The following PPTC7 variants were observed in gnomAD, a reference collection of about 807,000 sequenced individuals.
PPTC7 encodes protein phosphatase PTC7 homolog.
In PPTC7, 6 loss-of-function variants were observed where a neutral mutation model predicts 30.8. That is an observed-to-expected ratio of 0.19 (90% CI 0.11 to 0.38). The LOEUF (loss-of-function observed/expected upper bound fraction) is 0.38, where lower values mean the gene tolerates loss of function less well. Ranked by LOEUF, PPTC7 falls within the 10% of genes least tolerant of loss-of-function variation. The pLI is 1.00. For missense variants in PPTC7, 218 were observed against 404.8 expected, an observed-to-expected ratio of 0.54 and a Z score of 3.96; for synonymous variants, 163 against 168.1, an observed-to-expected ratio of 0.97 and a Z score of 0.23.
At chr12:110,538,888 C>G (rs955891552) in intron 4 of PPTC7, among the ~76,000 whole-genome samples, 2 of 152,206 alleles carry the variant, frequency 1.3e-5, no homozygotes, top group Non-Finnish European at 2.9e-5. Flanking sequence ...GCAGTCCCTT[C>G]TACTCTCTAT....
intron 1 of PPTC7, 41 bp from the exon 2 acceptor site, chr12:110,552,009 C>A: frequency 6.5e-7 from 1 of 1,542,378 alleles, no homozygotes; most frequent in Admixed American, 1.8e-5. Flanking sequence ...AACAATCTTA[C>A]CAACTTCTCA....
At chr12:110,559,255 C>G (rs1465783714) in intron 1 of PPTC7, among the ~76,000 whole-genome samples, 2 of 151,924 alleles carry the variant, frequency 1.3e-5, no homozygotes, top group African/African-American at 4.8e-5. Flanking sequence ...GTCTCAAACT[C>G]CTGGGGTCAA....
rs919950610 is a variant in PPTC7, at chr12:110,536,144, T to C, written c.*893A>G. 6.6e-6 allele frequency: 1 copy of C among 152,214 alleles called. No homozygotes were observed. Among genetic ancestry groups the C allele is most frequent in the Non-Finnish European group, 1.5e-5 (1 of 68,042 alleles). The allele number at this position is 152,214 out of a possible 1,614,324, so 9.4% of individuals were successfully genotyped here. The stretch of plus-strand genomic sequence containing the variant: ...AGTTACAGCTGTCTGTTCTCAACCC[T>C]TCAGGCCTTGGGACCTAGAGTTCCC... On this transcript the variant is annotated 3_prime_UTR_variant, in exon 6 of 6. Coordinates refer to ENST00000354300, the MANE Select transcript of PPTC7 (RefSeq NM_139283.2).
intron 1 of PPTC7, among the ~76,000 whole-genome samples, chr12:110,562,449 T>C (rs1283562047): frequency 2.0e-5 from 3 of 152,040 alleles, no homozygotes; most frequent in African/African-American, 7.2e-5. Context: ...TAAAATTATA[T>C]AGATTATGCT....
intron 1 of PPTC7, among the ~76,000 whole-genome samples, chr12:110,559,390 A>G (rs973917379): frequency 1.3e-5 from 2 of 151,830 alleles, no homozygotes; most frequent in African/African-American, 4.8e-5. Context: ...TGCCATCATT[A>G]AGTGTTTATA....
intron 4 of PPTC7, 22 bp downstream of exon 4, chr12:110,539,800 A>G (rs1327590085): frequency 6.2e-7 from 1 of 1,612,520 alleles, no homozygotes; most frequent in Admixed American, 1.7e-5. Flanking sequence ...TTTTCCCAAG[A>G]GCTAACCTTT....
chr12:110,539,255 T>TA lies in PPTC7; in HGVS notation c.726+566dup, dbSNP rs764366770. Among the ~76,000 whole-genome samples the TA allele has an allele frequency of 4.6e-5, 7 of 151,594 alleles. No individual in the cohort carries two copies. In the South Asian group the frequency reaches 8.3e-4, roughly 18 times the overall value. ...AGATCTCAGCAACTTCAATAAATAA[T>TA]AAAAAAAAGAAAGAAACGTACCCAA... On this transcript the variant is annotated intron_variant, in intron 4 of 5. Coordinates refer to ENST00000354300, the MANE Select transcript of PPTC7 (RefSeq NM_139283.2).
intron 2 of PPTC7, among the ~76,000 whole-genome samples, chr12:110,551,055 G>A (rs965031163): frequency 6.6e-6 from 1 of 152,254 alleles, no homozygotes; most frequent in African/African-American, 2.4e-5. Flanking sequence ...ATGTTCCTGA[G>A]TAGAACATGC....
intron 1 of PPTC7, among the ~76,000 whole-genome samples, chr12:110,578,181 A>G (rs1371868260): frequency 6.6e-6 from 1 of 152,200 alleles, no homozygotes; most frequent in African/African-American, 2.4e-5. Context: ...AAGGTTTCTA[A>G]GTGTTACAAT....
intron 1 of PPTC7, among the ~76,000 whole-genome samples, chr12:110,577,683 T>C (rs1023930331): frequency 6.6e-6 from 1 of 150,848 alleles, no homozygotes; most frequent in African/African-American, 2.4e-5. Flanking sequence ...GGCTGGGATA[T>C]GAAATTATTT....
intron 1 of PPTC7, among the ~76,000 whole-genome samples, chr12:110,559,500 C>T (rs1469213670): frequency 1.3e-5 from 2 of 150,630 alleles, no homozygotes; most frequent in Non-Finnish European, 3.0e-5. Context: ...CCGAGGTGGG[C>T]AGATCACTTG....
chr12:110,562,993 G>C (rs929008398), intron 1 of PPTC7, among the ~76,000 whole-genome samples: 5 of 151,290 alleles, frequency 3.3e-5, no homozygotes, highest in Admixed American at 1.3e-4. Context: ...TTGGTGGTAG[G>C]CACCTGTAGT....
At chr12:110,552,416 T>A (rs910820364) in intron 1 of PPTC7, among the ~76,000 whole-genome samples, 8 of 152,202 alleles carry the variant, frequency 5.3e-5, no homozygotes, top group African/African-American at 1.9e-4. Context: ...CATTGGTCAA[T>A]CGCTGGGAAA....
At chr12:110,564,786 ACG>A (rs1274384698) in intron 1 of PPTC7, among the ~76,000 whole-genome samples, 13 of 145,438 alleles carry the variant, frequency 8.9e-5, no homozygotes, top group Non-Finnish European at 1.8e-4. Flanking sequence ...ATATACATAC[ACG>A]TTATATATAT....
intron 5 of PPTC7, among the ~76,000 whole-genome samples, chr12:110,537,870 T>C (rs6606689): frequency 0.8 from 122,290 of 152,198 alleles, 49,448 homozygotes; most frequent in East Asian, 1. Flanking sequence ...GCCTTTTGGG[T>C]TCAGGTCCAA....
intron 1 of PPTC7, among the ~76,000 whole-genome samples, chr12:110,578,048 A>G (rs906294766): frequency 6.6e-6 from 1 of 152,192 alleles, no homozygotes; most frequent in Non-Finnish European, 1.5e-5. Context: ...GGAGTCTCAG[A>G]TGAGAGACTG....
At chr12:110,572,296 T>C (rs2064542954) in intron 1 of PPTC7, among the ~76,000 whole-genome samples, 1 of 152,028 alleles carries the variant, frequency 6.6e-6, no homozygotes, top group Admixed American at 6.6e-5. Context: ...ATACAAAAAT[T>C]AGCCGGGTGT....
chr12:110,570,010 A>C (rs1304484781), intron 1 of PPTC7, among the ~76,000 whole-genome samples: 2 of 152,236 alleles, frequency 1.3e-5, no homozygotes, highest in Non-Finnish European at 2.9e-5. Flanking sequence ...AACAACAACA[A>C]CAACAAAGAT....
At chr12:110,568,140 ACTTTGC>A (rs2064500828) in intron 1 of PPTC7, among the ~76,000 whole-genome samples, 2 of 151,838 alleles carry the variant, frequency 1.3e-5, no homozygotes, top group Admixed American at 1.3e-4. Context: ...TTGGGGATCT[ACTTTGC>A]CTTTGCTGAG....
Sources: allele counts gnomAD v4.1 joint callset (sites outside exome capture counted in the v4.1 genomes callset), GRCh38; gene constraint gnomAD v4.1.1; transcripts MANE v1.5; gene names NCBI Gene and HGNC (gene_info 2026-07-23, HGNC 2026-07-21).